PATJ: variants seen among roughly 807,000 people sequenced by gnomAD.
PATJ encodes inaD-like protein.
A neutral mutation model predicts 224.9 loss-of-function variants in PATJ; 190 were observed. The ratio of observed to expected loss-of-function variants is 0.84; its 90% CI spans 0.75 to 0.95. The LOEUF (loss-of-function observed/expected upper bound fraction) is 0.95, where lower values mean the gene tolerates loss of function less well. PATJ is among the 40% of genes least tolerant of loss of function. The pLI is 0.00. For missense variants in PATJ, 2,121 were observed against 2,270.3 expected (o/e 0.93, Z 1.34); for synonymous variants, 769 against 820.3 (o/e 0.94, Z 1.07).
intron 42 of PATJ, among the ~76,000 whole-genome samples, chr1:62,152,476 A>G (rs1366213765): frequency 6.6e-6 from 1 of 151,720 alleles, no homozygotes; most frequent in Non-Finnish European, 1.5e-5. Flanking sequence ...ACATGGCGAA[A>G]CCTCATCTCT....
intron 11 of PATJ, among the ~76,000 whole-genome samples, chr1:61,798,288 G>C (rs530537114): frequency 6.6e-5 from 10 of 152,126 alleles, no homozygotes; most frequent in Admixed American, 4.6e-4. Flanking sequence ...TTACTTCCTG[G>C]GCTCAAGTTA....
At chr1:61,916,178 T>A (rs1005158649) in intron 26 of PATJ, among the ~76,000 whole-genome samples, 1 of 152,034 alleles carries the variant, frequency 6.6e-6, no homozygotes, top group African/African-American at 2.4e-5. Flanking sequence ...AATAATCTAG[T>A]GGAGAATACT....
At chr1:61,866,840 G>A (rs779639538) in intron 20 of PATJ, among the ~76,000 whole-genome samples, 9 of 152,128 alleles carry the variant, frequency 5.9e-5, no homozygotes, top group Non-Finnish European at 1.3e-4. Context: ...CAGTCCTGAG[G>A]GCTACTGGTT....
At chr1:62,156,247 G>A (rs1201590629) in intron 43 of PATJ, among the ~76,000 whole-genome samples, 2 of 151,270 alleles carry the variant, frequency 1.3e-5, no homozygotes, top group Non-Finnish European at 2.9e-5. Context: ...CTCCAATGTA[G>A]GCCAGGCATG....
intron 33 of PATJ, among the ~76,000 whole-genome samples, chr1:62,106,294 AC>A (rs1234828978): frequency 1.4e-5 from 2 of 142,666 alleles, no homozygotes; most frequent in Non-Finnish European, 3.1e-5. Context: ...ACATAGTGAG[AC>A]CCCCATCTCT....
At chr1:62,156,054 T>TATA (rs1553284980) in intron 43 of PATJ, among the ~76,000 whole-genome samples, 14 of 43,064 alleles carry the variant, frequency 3.3e-4, no homozygotes, top group African/African-American at 8.7e-4. Context: ...CAAGACTCTG[T>TATA]AAAAAAAAAA....
intron 31 of PATJ, among the ~76,000 whole-genome samples, chr1:62,071,767 G>A (rs546172061): frequency 5.3e-5 from 8 of 152,276 alleles, no homozygotes; most frequent in African/African-American, 1.9e-4. Context: ...GATTACAGGC[G>A]TGAACCACTG....
At chr1:61,838,521 A>ATTTTTTTT (rs34877280) in intron 17 of PATJ, among the ~76,000 whole-genome samples, 81 of 115,544 alleles carry the variant, frequency 7.0e-4, no homozygotes, top group Non-Finnish European at 1.1e-3. Flanking sequence ...CGCCTGGCTA[A>ATTTTTTTT]TTTTTTTTTT....
intron 29 of PATJ, among the ~76,000 whole-genome samples, chr1:62,029,274 G>T (rs1184986528): frequency 6.6e-6 from 1 of 152,282 alleles, no homozygotes; most frequent in East Asian, 1.9e-4. Context: ...CTGATGAAGT[G>T]ATGGCATTCT....
At chr1:61,983,713 G>A (rs776339050) in intron 27 of PATJ, among the ~76,000 whole-genome samples, 4 of 152,078 alleles carry the variant, frequency 2.6e-5, no homozygotes, top group Admixed American at 6.5e-5. Context: ...TGTGGGTACA[G>A]AAGACTGCAG....
chr1:61,742,776 T>C (rs948037534), intron 1 of PATJ, among the ~76,000 whole-genome samples: 21 of 150,000 alleles, frequency 1.4e-4, no homozygotes, highest in African/African-American at 5.1e-4. Flanking sequence ...GCGGCGTGCG[T>C]CCGCGCTGAC....
chr1:62,108,456 A>T lies in PATJ; in HGVS notation c.4397A>T (p.Glu1466Val), dbSNP rs1241783463. 2 of 1,607,892 alleles carry T rather than the reference A, an allele frequency of 1.2e-6. No individual in the cohort carries two copies. Among genetic ancestry groups the T allele is most frequent in the Non-Finnish European group, 1.7e-6 (2 of 1,175,194 alleles). Residue 1466 changes from glutamate to valine, a missense_variant, in exon 34 of 44, where the codon GAA becomes GTA. By Grantham distance (121) the Glu-to-Val change is moderately radical (BLOSUM62 -2). Coordinates refer to ENST00000642238, the MANE Select transcript of PATJ (RefSeq NM_001350145.3). Reference sequence around the variant, plus strand: ...TTATAGAATGCTATAGTTATCCATGAAGTCTATGAAGAAGGGGCAGCAGCC... The same window carrying T: ...TTATAGAATGCTATAGTTATCCATGTAGTCTATGAAGAAGGGGCAGCAGCC... ...DTPLNAIVIHEVYEEGAAARD... is the reference protein window; with the variant it reads ...DTPLNAIVIHVVYEEGAAARD...
chr1:61,856,365 G>A (rs1439218112), intron 18 of PATJ, 126 bp downstream of exon 18: 4 of 718,312 alleles, frequency 5.6e-6, no homozygotes, highest in Non-Finnish European at 9.3e-6. Context: ...GTGACCTTGG[G>A]CAGGTTTCTT....
chr1:61,962,882 GCCAGCCCAGCCGCCAGAA>G (rs1681508577), intron 27 of PATJ, among the ~76,000 whole-genome samples: 1 of 152,192 alleles, frequency 6.6e-6, no homozygotes, highest in East Asian at 1.9e-4. Context: ...AAGGCGGCAT[GCCAGCCCAGCCGCCAGAA>G]AGGAAAGGAG....
At chr1:61,776,979 C>T (rs1189901160) in intron 7 of PATJ, among the ~76,000 whole-genome samples, 1 of 152,124 alleles carries the variant, frequency 6.6e-6, no homozygotes, top group Non-Finnish European at 1.5e-5. Flanking sequence ...CCCGCCTTAG[C>T]CTCCCAAAGT....
intron 7 of PATJ, among the ~76,000 whole-genome samples, chr1:61,781,078 G>A (rs1557633180): frequency 6.6e-6 from 1 of 152,292 alleles, no homozygotes; most frequent in East Asian, 1.9e-4. Flanking sequence ...AAACCATTAA[G>A]AAATTGCCCT....
At chr1:61,796,724 T>TTC (rs1223383945) in intron 10 of PATJ, among the ~76,000 whole-genome samples, 9,810 of 50,624 alleles carry the variant, frequency 0.19, 624 homozygotes, top group East Asian at 0.28. Context: ...CTTTCTTTCT[T>TTC]TTTCTTTCTT....
rs934409864 is a variant in PATJ, at chr1:62,160,811, T to C, written c.5503-97T>C. ...ATTGGTAGTTTTTAAAGTTACTCTTTTAATATGCACACCAGACAGATGTTA... is the reference window on the plus strand; with the variant it reads ...ATTGGTAGTTTTTAAAGTTACTCTTCTAATATGCACACCAGACAGATGTTA... On this transcript the variant is annotated intron_variant, in intron 43 of 43. Transcript: ENST00000642238. The C allele has an allele frequency of 4.6e-6, 6 of 1,301,786 alleles. No individual in the cohort carries two copies. In the African/African-American group the frequency reaches 5.9e-5, roughly 13 times the overall value. The allele number at this position is 1,301,786 out of a possible 1,614,324, so 80.6% of individuals were successfully genotyped here. A position where few individuals can be genotyped will look rare whatever the true frequency, so the allele number is the denominator to read the frequency against.
At chr1:61,982,791 G>T (rs970396311) in intron 27 of PATJ, among the ~76,000 whole-genome samples, 2 of 151,956 alleles carry the variant, frequency 1.3e-5, no homozygotes, top group Non-Finnish European at 2.9e-5. Flanking sequence ...GTATTTTTGT[G>T]TGGCAACAAA....
Sources: allele counts gnomAD v4.1 joint callset (sites outside exome capture counted in the v4.1 genomes callset), GRCh38; gene constraint gnomAD v4.1.1; transcripts MANE v1.5; gene names NCBI Gene and HGNC (gene_info 2026-07-23, HGNC 2026-07-21).